The following NELL1 variants were observed in gnomAD, a reference collection of about 807,000 sequenced individuals.
NELL1 encodes the protein protein kinase C-binding protein NELL1.
NELL1 carries 76 observed loss-of-function variants against 107.4 expected under a neutral mutation model. That is an observed-to-expected ratio of 0.71 (90% CI 0.59 to 0.86). The LOEUF (loss-of-function observed/expected upper bound fraction) is 0.86. NELL1 is among the 40% of genes least tolerant of loss of function. NELL1 has a pLI of 0.00. For synonymous variants in NELL1, 353 were observed against 341.2 expected (o/e 1.03, Z -0.38); for missense variants, 1,024 against 1,005.5 (o/e 1.02, Z -0.25).
At chr11:21,453,215 A>G (rs1029391103) in intron 15 of NELL1, among the ~76,000 whole-genome samples, 2 of 152,142 alleles carry the variant, frequency 1.3e-5, no homozygotes, top group Non-Finnish European at 2.9e-5. Context: ...GTCTTAAAAT[A>G]TCCTACTATA....
chr11:20,842,634 G>A (rs1281549775), intron 3 of NELL1, among the ~76,000 whole-genome samples: 1 of 152,126 alleles, frequency 6.6e-6, no homozygotes, highest in Admixed American at 6.5e-5. Flanking sequence ...TCCTGAATCT[G>A]TTCTTATCTA....
chr11:21,289,287 T>G (rs1195988830), intron 14 of NELL1, among the ~76,000 whole-genome samples: 1 of 152,134 alleles, frequency 6.6e-6, no homozygotes, highest in African/African-American at 2.4e-5. Flanking sequence ...AGGCGGGTGA[T>G]TTCTGCATTT....
intron 15 of NELL1, among the ~76,000 whole-genome samples, chr11:21,456,099 G>A (rs1157924894): frequency 6.6e-6 from 1 of 151,924 alleles, no homozygotes; most frequent in Non-Finnish European, 1.5e-5. Flanking sequence ...TGCCATGTTG[G>A]CTAGTCTGGT....
At chr11:21,419,042 C>A (rs1328577523) in intron 15 of NELL1, among the ~76,000 whole-genome samples, 1 of 152,112 alleles carries the variant, frequency 6.6e-6, no homozygotes. Flanking sequence ...TCTGCCACCC[C>A]CTTAATGACA....
chr11:21,119,662 C>T (rs985561081), intron 13 of NELL1, among the ~76,000 whole-genome samples: 2 of 151,990 alleles, frequency 1.3e-5, no homozygotes, highest in African/African-American at 4.8e-5. Flanking sequence ...ATTGAAATTG[C>T]GTTGTTTCTT....
chr11:21,473,552 CT>C (rs1350237126), intron 15 of NELL1, among the ~76,000 whole-genome samples: 1 of 151,924 alleles, frequency 6.6e-6, no homozygotes, highest in East Asian at 1.9e-4. Flanking sequence ...ATGAGGGCAC[CT>C]GTTTTTGTTT....
At chr11:21,409,325 A>G (rs943499257) in intron 15 of NELL1, among the ~76,000 whole-genome samples, 1 of 152,192 alleles carries the variant, frequency 6.6e-6, no homozygotes, top group Non-Finnish European at 1.5e-5. Flanking sequence ...GTAAACTATC[A>G]CAATGACAAA....
intron 12 of NELL1, among the ~76,000 whole-genome samples, chr11:21,054,608 A>T (rs1001037836): frequency 6.6e-6 from 1 of 152,048 alleles, no homozygotes; most frequent in East Asian, 1.9e-4. Context: ...CACTAATATT[A>T]TAGTTTTTGA....
At chr11:20,683,336 G>T (rs1260264496) in intron 2 of NELL1, among the ~76,000 whole-genome samples, 1 of 151,940 alleles carries the variant, frequency 6.6e-6, no homozygotes, top group Non-Finnish European at 1.5e-5. Flanking sequence ...TTTAGGTTCA[G>T]GGGGTACCTG....
chr11:20,739,520 C>T (rs563300448), intron 2 of NELL1, among the ~76,000 whole-genome samples: 92 of 152,246 alleles, frequency 6.0e-4, no homozygotes, highest in African/African-American at 2.0e-3. Flanking sequence ...TTTTCTGTCA[C>T]GATAGAGAGA....
intron 14 of NELL1, among the ~76,000 whole-genome samples, chr11:21,251,374 G>A (rs774221180): frequency 2.1e-4 from 32 of 152,182 alleles, no homozygotes; most frequent in Non-Finnish European, 3.4e-4. Flanking sequence ...AATCATCATT[G>A]TATAGTTGCA....
At chr11:21,411,286 C>A (rs907255568) in intron 15 of NELL1, among the ~76,000 whole-genome samples, 1 of 152,028 alleles carries the variant, frequency 6.6e-6, no homozygotes, top group Non-Finnish European at 1.5e-5. Context: ...GAAAACACCA[C>A]TTTGTGGTTT....
At chr11:20,967,565 C>T (rs79253780) in intron 12 of NELL1, among the ~76,000 whole-genome samples, 2,930 of 152,078 alleles carry the variant, frequency 0.019, 103 homozygotes, top group African/African-American at 0.068. Flanking sequence ...TCCTTGATTC[C>T]ACTCTTTTCT....
At chr11:21,551,306 C>T (rs901938231) in intron 16 of NELL1, among the ~76,000 whole-genome samples, 7 of 152,008 alleles carry the variant, frequency 4.6e-5, no homozygotes, top group African/African-American at 1.4e-4. Context: ...ATTTGACTTC[C>T]TCTTTTCCTA....
At chr11:21,063,087 A>AT (rs1491227348) in intron 12 of NELL1, among the ~76,000 whole-genome samples, 1 of 131,082 alleles carries the variant, frequency 7.6e-6, no homozygotes, top group Non-Finnish European at 1.7e-5. Flanking sequence ...AGCTCCAGTG[A>AT]TCCCCCTGCC....
chr11:21,421,001 T>TA (rs1415251390), intron 15 of NELL1, among the ~76,000 whole-genome samples: 2 of 151,428 alleles, frequency 1.3e-5, no homozygotes, highest in Non-Finnish European at 2.9e-5. Context: ...TCAAAATGGA[T>TA]AAAAGAAACT....
At chr11:20,983,783 C>A (rs1564999566) in intron 12 of NELL1, among the ~76,000 whole-genome samples, 1 of 151,988 alleles carries the variant, frequency 6.6e-6, no homozygotes, top group African/African-American at 2.4e-5. Context: ...ACAGAGTAAT[C>A]TTTCACAATG....
intron 13 of NELL1, among the ~76,000 whole-genome samples, chr11:21,146,816 G>C (rs796892726): frequency 3.3e-5 from 5 of 152,068 alleles, no homozygotes; most frequent in African/African-American, 9.6e-5. Context: ...GCCAAGGTGG[G>C]GGGGATCATC....
At chr11:20,720,298 G>A (rs923010245) in intron 2 of NELL1, among the ~76,000 whole-genome samples, 3 of 150,142 alleles carry the variant, frequency 2.0e-5, no homozygotes, top group Non-Finnish European at 4.4e-5. Flanking sequence ...ACCTCTGCCT[G>A]CAGGGTTCAA....
Sources: allele counts gnomAD v4.1 joint callset (sites outside exome capture counted in the v4.1 genomes callset), GRCh38; gene constraint gnomAD v4.1.1; transcripts MANE v1.5; gene names NCBI Gene and HGNC (gene_info 2026-07-23, HGNC 2026-07-21).